The following GPR137B variants were observed in gnomAD, a reference collection of about 807,000 sequenced individuals.
GPR137B encodes G protein-coupled receptor 137B.
GPR137B carries 42 observed loss-of-function variants against 42.5 expected under a neutral mutation model. The observed-to-expected ratio is 0.99, with a 90% CI of 0.77 to 1.28. The LOEUF (loss-of-function observed/expected upper bound fraction) is 1.28. GPR137B is among the 50% of genes most tolerant of loss of function. The pLI is 0.00. For synonymous variants in GPR137B, 218 were observed against 209.7 expected (o/e 1.04, Z -0.34); for missense variants, 487 against 493.9 (o/e 0.99, Z 0.13).
intron 1 of GPR137B, among the ~76,000 whole-genome samples, chr1:236,165,029 C>G (rs1452798458): frequency 2.6e-5 from 4 of 152,114 alleles, no homozygotes; most frequent in Non-Finnish European, 2.9e-5. Context: ...CTCAGCCTCC[C>G]AAGTAGCTGG....
At chr1:236,174,300 G>A (rs1164039019) in intron 2 of GPR137B, among the ~76,000 whole-genome samples, 1 of 152,226 alleles carries the variant, frequency 6.6e-6, no homozygotes, top group African/African-American at 2.4e-5. Flanking sequence ...AAATCAAGAA[G>A]GAGGAAGGTT....
rs1214533314 is a variant in GPR137B at position 236,207,914 on chromosome 1, C to CT, written c.1092-133dup. On this transcript the variant is annotated intron_variant, in intron 6 of 6. Coordinates refer to ENST00000366592, the MANE Select transcript of GPR137B (RefSeq NM_003272.4). ...TAGCATGGTTTTGTGGGAAAATGGA[C>CT]TTTAAGAGCCATTTAAAAGAACTTT... 3.3e-5 allele frequency: 21 copies of CT among 636,386 alleles called. No individual in the cohort carries two copies. The Admixed American group carries it at 3.9e-4, about 12-fold the overall frequency. 39.4% of individuals were successfully genotyped at this position (636,386 alleles called of 1,614,324 possible).
Position 236,208,095 on chromosome 1 carries a change from C to T in GPR137B, c.1137C>T (p.Phe379=), listed in dbSNP as rs1379433610. The change falls in exon 7 of 7, where the codon TTC becomes TTT. Residue 379 remains phenylalanine, a synonymous_variant. Coordinates refer to ENST00000366592, the MANE Select transcript of GPR137B (RefSeq NM_003272.4). ...ATTGGGGACAACAAACTAACAGCTT[C>T]CTGGCACAAGCAGGAACTTTGCAAG... ...YYDWGQQTNS[F]LAQAGTLQDS... 2 of 1,613,512 alleles carry T rather than the reference C, an allele frequency of 1.2e-6. No individual in the cohort carries two copies. The highest frequency in any genetic ancestry group is 8.5e-7 in the Non-Finnish European group (1 of 1,179,510).
intron 4 of GPR137B, among the ~76,000 whole-genome samples, chr1:236,183,253 T>G (rs182174959): frequency 6.6e-6 from 1 of 152,274 alleles, no homozygotes; most frequent in Non-Finnish European, 1.5e-5. Context: ...CAGGATATGG[T>G]TTATGTGAAG....
At position 236,142,876 on chromosome 1, in the gene GPR137B, G is replaced by A. The variant is rs1213221218; in HGVS notation, c.254G>A (p.Cys85Tyr). Residue 85 changes from cysteine to tyrosine, a missense_variant, in exon 1 of 7, where the codon TGC (cysteine) becomes TAC (tyrosine). Coordinates refer to ENST00000366592, the MANE Select transcript of GPR137B (RefSeq NM_003272.4). ...TACCAGAGCGTCTTCCTCTTTCTCT[G>A]CCTCTTCTGGGCCTCCCTGCGGACC... ...LSYQSVFLFLCLFWASLRTVL... is the reference protein window; with the variant it reads ...LSYQSVFLFLYLFWASLRTVL... 1.2e-6 allele frequency: 2 copies of A among 1,614,070 alleles called. No homozygotes were observed. The highest frequency in any genetic ancestry group is 2.2e-5 in the East Asian group (1 of 44,888).
intron 5 of GPR137B, among the ~76,000 whole-genome samples, chr1:236,193,257 G>A (rs1198289717): frequency 1.3e-5 from 2 of 152,154 alleles, no homozygotes; most frequent in African/African-American, 2.4e-5. Flanking sequence ...ACACATTTAA[G>A]GAAACCATTT....
intron 1 of GPR137B, 145 bp from the exon 2 acceptor site, chr1:236,168,561 T>G: frequency 1.5e-6 from 1 of 657,280 alleles, no homozygotes; most frequent in Non-Finnish European, 2.8e-6. Context: ...AAGAAATGTT[T>G]GGCATAACAA....
At position 236,208,594 on chromosome 1, in the gene GPR137B, C is replaced by A; in HGVS notation, c.*436C>A. 1 of 976,566 alleles carries A rather than the reference C, an allele frequency of 1.0e-6. No individual in the cohort carries two copies. Among genetic ancestry groups the A allele is most frequent in the African/African-American group, 1.8e-5 (1 of 57,054 alleles). 60.5% of individuals were successfully genotyped at this position (976,566 alleles called of 1,614,324 possible). ...GACTAAAGTATTCCACAAATCTTAC[C>A]TCTTTAGGTCACTGATGGTCACTCC... is the stretch of plus-strand genomic sequence containing the variant. On this transcript the variant is annotated 3_prime_UTR_variant, in exon 7 of 7. Transcript: ENST00000366592.
chr1:236,145,281 CA>C (rs1234530782), intron 1 of GPR137B, among the ~76,000 whole-genome samples: 1 of 152,256 alleles, frequency 6.6e-6, no homozygotes, highest in Non-Finnish European at 1.5e-5. Context: ...TTCTCTTACA[CA>C]AACCATTGGA....
chr1:236,191,623 A>G (rs1203586415), intron 5 of GPR137B, among the ~76,000 whole-genome samples: 1 of 152,232 alleles, frequency 6.6e-6, no homozygotes, highest in Admixed American at 6.5e-5. Context: ...GGTCCACTCC[A>G]GACCCTGTTT....
At position 236,183,924 on chromosome 1, in the gene GPR137B, C is replaced by T. The variant is rs67652024; in HGVS notation, c.966+18C>T. 38,093 of 1,570,544 alleles carry T rather than the reference C, an allele frequency of 0.024. 4,116 individuals carry two copies. In the African/African-American group the frequency reaches 0.32, roughly 13 times the overall value. ...AGGACCTTGTAAGTAAACCATTTTA[C>T]ATTTGTAAGAAAATGTCTCCTAATT... On this transcript the variant is annotated intron_variant, in intron 5 of 6. Coordinates refer to ENST00000366592, the MANE Select transcript of GPR137B (RefSeq NM_003272.4).
intron 1 of GPR137B, among the ~76,000 whole-genome samples, chr1:236,165,965 C>T (rs557802640): frequency 1.3e-5 from 2 of 152,296 alleles, no homozygotes; most frequent in Admixed American, 6.5e-5. Flanking sequence ...TGGCCAGGAG[C>T]GCTGCAATAC....
rs556010151 is a variant in GPR137B at position 236,186,833 on chromosome 1, G to T, written c.966+2927G>T. ...GTACATGTGCATGTGTCTTTATAGT[G>T]GAATGATTTATAATCCTTTGGGTAT... On this transcript the variant is annotated intron_variant, in intron 5 of 6. Coordinates refer to ENST00000366592, the MANE Select transcript of GPR137B (RefSeq NM_003272.4). Among the ~76,000 whole-genome samples, 3 of 151,890 alleles carry T rather than the reference G, an allele frequency of 2.0e-5. No homozygotes were observed. The East Asian group carries it at 5.8e-4, about 29-fold the overall frequency.
intron 1 of GPR137B, among the ~76,000 whole-genome samples, chr1:236,168,026 T>G (rs1662410382): frequency 6.6e-6 from 1 of 152,228 alleles, no homozygotes; most frequent in South Asian, 2.1e-4. Flanking sequence ...AGATGTTTTG[T>G]TATTTTAAAT....
intron 5 of GPR137B, among the ~76,000 whole-genome samples, chr1:236,201,032 G>A (rs1663479473): frequency 6.6e-6 from 1 of 151,824 alleles, no homozygotes; most frequent in Non-Finnish European, 1.5e-5. Flanking sequence ...GCTTGGTAGT[G>A]GCAAATTCTT....
chr1:236,150,355 A>G lies in GPR137B; in HGVS notation c.414+7319A>G, dbSNP rs1661823943. Among the ~76,000 whole-genome samples, 1 of 151,680 alleles carries G rather than the reference A, an allele frequency of 6.6e-6. No individual in the cohort carries two copies. The highest frequency in any genetic ancestry group is 2.1e-4 in the South Asian group (1 of 4,800). On this transcript the variant is annotated intron_variant, in intron 1 of 6. Transcript: ENST00000366592. The surrounding 1 kb of genome is among the most constrained non-coding windows in gnomAD (Gnocchi z 6.2). ...CATGTGTGTGCCTGTGTGTGTGGAA[A>G]GGTTTCCTTATTTTCTTGGTCTGCC... is the stretch of plus-strand genomic sequence containing the variant.
chr1:236,183,509 T>C (rs1478823536), intron 4 of GPR137B, among the ~76,000 whole-genome samples: 1 of 152,206 alleles, frequency 6.6e-6, no homozygotes, highest in Non-Finnish European at 1.5e-5. Flanking sequence ...TAATCATTTA[T>C]CTCATATGGT....
intron 1 of GPR137B, among the ~76,000 whole-genome samples, chr1:236,154,019 C>G (rs1481569447): frequency 6.6e-6 from 1 of 152,192 alleles, no homozygotes; most frequent in Non-Finnish European, 1.5e-5. Flanking sequence ...CCTGGTCCTG[C>G]TCCTAGGGCC....
intron 1 of GPR137B, among the ~76,000 whole-genome samples, chr1:236,152,294 T>TCA (rs1661889199): frequency 6.6e-6 from 1 of 151,826 alleles, no homozygotes; most frequent in African/African-American, 2.4e-5. Context: ...AGATCTCATC[T>TCA]GTACAAAAAA....
Sources: gnomAD v4.1 joint callset for allele counts (sites outside exome capture counted in the v4.1 genomes callset) on GRCh38, gnomAD v4.1.1 for gene constraint, Gnocchi (gnomAD v3.1) non-coding constraint, MANE v1.5 for transcripts, NCBI Gene and HGNC (gene_info 2026-07-23, HGNC 2026-07-21) for gene names.